The following STAMBP variants were observed in gnomAD, a reference collection of about 807,000 sequenced individuals.
STAMBP encodes STAM binding protein.
STAMBP carries 31 observed loss-of-function variants against 50.7 expected under a neutral mutation model. The ratio of observed to expected loss-of-function variants is 0.61; its 90% CI spans 0.46 to 0.83. The LOEUF is 0.83. Among genes scored for constraint, STAMBP ranks in the 40% least tolerant of loss-of-function variants. STAMBP has a pLI of 0.00. For missense variants in STAMBP, 472 were observed against 518.9 expected, an observed-to-expected ratio of 0.91 and a Z score of 0.88; for synonymous variants, 211 against 192.4, an observed-to-expected ratio of 1.10 and a Z score of -0.80.
chr2:73,869,618 C>G (rs550260513), downstream of STAMBP, among the ~76,000 whole-genome samples: 39 of 151,938 alleles, frequency 2.6e-4, no homozygotes, highest in South Asian at 8.1e-3. Context: ...TATTATAAAC[C>G]TATGCTAAAT....
intron 8 of STAMBP, among the ~76,000 whole-genome samples, chr2:73,859,838 C>T (rs1678112424): frequency 6.6e-6 from 1 of 152,014 alleles, no homozygotes; most frequent in Non-Finnish European, 1.5e-5. Flanking sequence ...ATGAATTCTC[C>T]AGCAAAACTA....
chr2:73,867,549 T>C (rs968658090), downstream of STAMBP, among the ~76,000 whole-genome samples: 11 of 151,604 alleles, frequency 7.3e-5, no homozygotes, highest in Admixed American at 2.0e-4. Flanking sequence ...TCTAAAAAAA[T>C]AAATAAATAA....
At chr2:73,843,007 A>C (rs1675593241) in intron 2 of STAMBP, among the ~76,000 whole-genome samples, 1 of 152,114 alleles carries the variant, frequency 6.6e-6, no homozygotes, top group Non-Finnish European at 1.5e-5. Context: ...AAAGGTAGTA[A>C]ATATTAATAT....
intron 9 of STAMBP, among the ~76,000 whole-genome samples, chr2:73,860,873 C>T (rs1249637180): frequency 6.6e-6 from 1 of 152,038 alleles, no homozygotes. Context: ...AGAAGAGAAA[C>T]CCCAGGAAGG....
chr2:73,836,416 C>T (rs986155313), intron 2 of STAMBP, among the ~76,000 whole-genome samples: 2 of 152,232 alleles, frequency 1.3e-5, no homozygotes, highest in African/African-American at 2.4e-5. Flanking sequence ...GTGGTGCCCG[C>T]GCTGCCCTCA....
At chr2:73,837,324 G>A (rs1436427500) in intron 2 of STAMBP, among the ~76,000 whole-genome samples, 1 of 152,114 alleles carries the variant, frequency 6.6e-6, no homozygotes, top group African/African-American at 2.4e-5. Context: ...AGTGGCTCAC[G>A]CCTGTAATCC....
At chr2:73,847,973 A>G (rs1676344051) in intron 5 of STAMBP, among the ~76,000 whole-genome samples, 1 of 152,176 alleles carries the variant, frequency 6.6e-6, no homozygotes, top group Non-Finnish European at 1.5e-5. Context: ...AAGAGCTAAT[A>G]TTATTCTTGA....
intron 5 of STAMBP, among the ~76,000 whole-genome samples, chr2:73,848,526 T>A (rs1480778827): frequency 1.3e-5 from 2 of 152,222 alleles, no homozygotes; most frequent in Non-Finnish European, 2.9e-5. Flanking sequence ...TTAGTCCATT[T>A]TGTGCTGCTA....
chr2:73,855,891 T>G (rs946275709), intron 7 of STAMBP, among the ~76,000 whole-genome samples: 17 of 152,368 alleles, frequency 1.1e-4, no homozygotes, highest in Non-Finnish European at 1.8e-4. Flanking sequence ...GGAGATTTGT[T>G]TTTTTGGACA....
intron 1 of STAMBP, 131 bp from the exon 2 acceptor site, chr2:73,830,714 A>G (rs532305771): frequency 2.8e-6 from 2 of 718,034 alleles, no homozygotes; most frequent in Admixed American, 2.9e-5. Flanking sequence ...GTCCTTATTT[A>G]ATAGGAGCCA....
At chr2:73,851,637 A>ATTT (rs61483994) in intron 7 of STAMBP, among the ~76,000 whole-genome samples, 6 of 135,704 alleles carry the variant, frequency 4.4e-5, no homozygotes, top group African/African-American at 1.6e-4. Context: ...ACAGTGGTAG[A>ATTT]TTTTTTTTTT....
intron 2 of STAMBP, among the ~76,000 whole-genome samples, chr2:73,836,812 A>T (rs1449119493): frequency 1.3e-5 from 2 of 152,076 alleles, no homozygotes; most frequent in Non-Finnish European, 2.9e-5. Context: ...CACACTGGGG[A>T]GGGGCTGCCA....
At chr2:73,834,236 A>AATAT (rs148699255) in intron 2 of STAMBP, among the ~76,000 whole-genome samples, 20 of 36,404 alleles carry the variant, frequency 5.5e-4, no homozygotes, top group African/African-American at 2.3e-3. Context: ...AAAAAAAAAA[A>AATAT]ATATATATAT....
intron 9 of STAMBP, among the ~76,000 whole-genome samples, chr2:73,861,262 A>G (rs918092862): frequency 2.6e-5 from 4 of 152,238 alleles, no homozygotes; most frequent in Admixed American, 2.0e-4. Context: ...TAATTCTTTT[A>G]AATTAATATA....
At chr2:73,868,088 C>G (rs528248127), downstream of STAMBP, among the ~76,000 whole-genome samples, 5 of 149,864 alleles carry the variant, frequency 3.3e-5, no homozygotes, top group Non-Finnish European at 7.4e-5. Flanking sequence ...CACGCCATTG[C>G]GCTCCAGCCT....
chr2:73,835,433 C>T (rs1031116232), intron 2 of STAMBP, among the ~76,000 whole-genome samples: 2 of 151,856 alleles, frequency 1.3e-5, no homozygotes, highest in African/African-American at 2.4e-5. Flanking sequence ...ATCCTCCCAT[C>T]TCAGCCTCCC....
At chr2:73,842,686 A>G (rs1253916496) in intron 2 of STAMBP, among the ~76,000 whole-genome samples, 1 of 152,224 alleles carries the variant, frequency 6.6e-6, no homozygotes, top group African/African-American at 2.4e-5. Context: ...GTTTTGTTAT[A>G]TGTCATTGTG....
chr2:73,871,864 T>A (rs1573440149), downstream of STAMBP, among the ~76,000 whole-genome samples: 1 of 151,876 alleles, frequency 6.6e-6, no homozygotes, highest in African/African-American at 2.4e-5. Context: ...ACCTCCTGGG[T>A]TCAAGTGATT....
chr2:73,865,153 C>T lies in STAMBP; in HGVS notation c.*2894C>T, dbSNP rs547645944. The T allele has an allele frequency of 2.0e-5, 3 of 152,208 alleles. No homozygotes were observed. Among genetic ancestry groups the T allele is most frequent in the African/African-American group, 7.2e-5 (3 of 41,532 alleles). The allele number at this position is 152,208 out of a possible 1,614,324, so 9.4% of individuals were successfully genotyped here. On this transcript the variant is annotated 3_prime_UTR_variant, in exon 10 of 10. Transcript: ENST00000394070. ...GATGGCTTCTTTGGGGTTTTAGTTA[C>T]CCCAGTTGAAAGAGAAATTTTTCAT... is the stretch of plus-strand genomic sequence containing the variant.
Sources: gnomAD v4.1 joint callset for allele counts (sites outside exome capture counted in the v4.1 genomes callset) on GRCh38, gnomAD v4.1.1 for gene constraint, MANE v1.5 for transcripts, NCBI Gene and HGNC (gene_info 2026-07-23, HGNC 2026-07-21) for gene names.